EIF4H: variants seen among roughly 807,000 people sequenced by gnomAD.
The protein encoded by EIF4H is Williams-Beuren syndrome chromosome region 1.
Under a neutral mutation model 30.6 loss-of-function variants are expected in EIF4H, and 8 were observed. That is an observed-to-expected ratio of 0.26 (90% CI 0.15 to 0.47). EIF4H has a LOEUF of 0.47. EIF4H is among the 20% of genes least tolerant of loss of function. The probability of loss-of-function intolerance (pLI) is 0.99; values close to 1 mark genes in which losing one functional copy is unlikely to be tolerated. For missense variants in EIF4H, 188 were observed against 339.5 expected (o/e 0.55, Z 3.51); for synonymous variants, 106 against 122.7 (o/e 0.86, Z 0.90).
chr7:74,174,767 C>G (rs560322070), intron 1 of EIF4H, among the ~76,000 whole-genome samples: 3 of 152,248 alleles, frequency 2.0e-5, no homozygotes, highest in Non-Finnish European at 4.4e-5. Context: ...ATCCCCCCTA[C>G]GGTAGGACCA....
chr7:74,193,892 C>G (rs1462146137), intron 5 of EIF4H, among the ~76,000 whole-genome samples: 1 of 152,174 alleles, frequency 6.6e-6, no homozygotes, highest in African/African-American at 2.4e-5. Flanking sequence ...CAGGCGTGAA[C>G]CAGTCTTTTT....
chr7:74,192,340 G>A (rs1323996503), intron 5 of EIF4H, among the ~76,000 whole-genome samples: 1 of 152,140 alleles, frequency 6.6e-6, no homozygotes, highest in Non-Finnish European at 1.5e-5. Context: ...CCTTATACTC[G>A]ACTGTATGCC....
intron 1 of EIF4H, among the ~76,000 whole-genome samples, chr7:74,183,642 C>T (rs1801014449): frequency 1.3e-5 from 2 of 152,150 alleles, no homozygotes; most frequent in Non-Finnish European, 2.9e-5. Context: ...TAGTAGTCCC[C>T]CAAACTTGAA....
intron 1 of EIF4H, among the ~76,000 whole-genome samples, chr7:74,175,548 C>CATG (rs1800819586): frequency 1.3e-5 from 2 of 152,078 alleles, no homozygotes. Flanking sequence ...AGCTAATGTT[C>CATG]ATGATACTGT....
chr7:74,186,169 G>T (rs1045501850), intron 1 of EIF4H, among the ~76,000 whole-genome samples: 3 of 151,546 alleles, frequency 2.0e-5, no homozygotes, highest in Non-Finnish European at 4.4e-5. Context: ...CGTTCCTGGG[G>T]CATTCTTATG....
chr7:74,175,799 A>G lies in EIF4H; in HGVS notation c.59+1357A>G, dbSNP rs10234939. Among the ~76,000 whole-genome samples, 595 of 152,004 alleles carry G rather than the reference A, an allele frequency of 3.9e-3. 6 individuals carry two copies. Among genetic ancestry groups the G allele is most frequent in the African/African-American group, 0.014 (575 of 41,440 alleles). On this transcript the variant is annotated intron_variant, in intron 1 of 6. Transcript: ENST00000265753. ...AAAATTCTTCTTAAACAGCGTGGTC[A>G]ATTTAAGTTTTAGTTGCATTGGGAC...
rs1554710526 is a variant in EIF4H, at chr7:74,195,176, A to G, written c.615A>G (p.Arg205=). The part of the protein sequence containing the change: ...MDFREPTEEE[R]AQRPRLQLKP... Reference sequence around the variant, plus strand: ...CTGCTTTTTCTCCCCCAGAGGAAAGAGCACAGAGACCACGACTCCAGCTTA... The same window carrying G: ...CTGCTTTTTCTCCCCCAGAGGAAAGGGCACAGAGACCACGACTCCAGCTTA... The change falls in exon 7 of 7, where the codon AGA becomes AGG. Residue 205 remains arginine, a synonymous_variant. Transcript: ENST00000265753. 1 of 1,613,872 alleles carries G rather than the reference A, an allele frequency of 6.2e-7. No individual in the cohort carries two copies. The highest frequency in any genetic ancestry group is 8.5e-7 in the Non-Finnish European group (1 of 1,179,806).
At chr7:74,184,216 A>AT (rs1801031886) in intron 1 of EIF4H, among the ~76,000 whole-genome samples, 2 of 152,072 alleles carry the variant, frequency 1.3e-5, no homozygotes, top group Admixed American at 6.5e-5. Context: ...GTCCTAGTGC[A>AT]TTTTTAGCAG....
At chr7:74,176,311 C>T (rs1018902148) in intron 1 of EIF4H, among the ~76,000 whole-genome samples, 4 of 146,320 alleles carry the variant, frequency 2.7e-5, no homozygotes, top group Admixed American at 1.4e-4. Flanking sequence ...GATCTCGGCT[C>T]ACTGCAACCT....
intron 1 of EIF4H, among the ~76,000 whole-genome samples, chr7:74,175,223 A>G (rs1166133490): frequency 6.6e-6 from 1 of 152,244 alleles, no homozygotes; most frequent in Admixed American, 6.5e-5. Context: ...GCTTAAAAGA[A>G]ACATCTTTGA....
intron 1 of EIF4H, among the ~76,000 whole-genome samples, chr7:74,185,144 A>G (rs1052806852): frequency 7.3e-5 from 11 of 151,022 alleles, no homozygotes; most frequent in Admixed American, 4.6e-4. Context: ...AGTGTGGACC[A>G]TCACTCCCGG....
At chr7:74,182,100 G>A (rs1800975487) in intron 1 of EIF4H, among the ~76,000 whole-genome samples, 1 of 152,086 alleles carries the variant, frequency 6.6e-6, no homozygotes. Flanking sequence ...CCAGTACCCA[G>A]TGTTCAGTTT....
At chr7:74,187,566 A>G in intron 1 of EIF4H, 45 bp from the exon 2 acceptor site, 1 of 1,467,362 alleles carries the variant, frequency 6.8e-7, no homozygotes, top group Non-Finnish European at 9.1e-7. Flanking sequence ...TGTTTTGCTT[A>G]TTCCACTCTG....
At chr7:74,190,406 G>T in intron 5 of EIF4H, 100 bp downstream of exon 5, 1 of 1,205,826 alleles carries the variant, frequency 8.3e-7, no homozygotes. Context: ...TACTTATTTA[G>T]TTCCTTTAAC....
chr7:74,195,371 C>T lies in EIF4H; in HGVS notation c.*63C>T. 6.8e-7 allele frequency: 1 copy of T among 1,479,462 alleles called. No individual in the cohort carries two copies. The highest frequency in any genetic ancestry group is 9.0e-7 in the Non-Finnish European group (1 of 1,111,078). The allele number at this position is 1,479,462 out of a possible 1,614,324, so 91.6% of individuals were successfully genotyped here. ...AGCAGGACCACAGCCTGGTGAGTCC[C>T]CGGGCAGCCGTCCTGCAGCCGCCAC... On this transcript the variant is annotated 3_prime_UTR_variant, in exon 7 of 7. Coordinates refer to ENST00000265753, the MANE Select transcript of EIF4H (RefSeq NM_022170.2).
At position 74,194,806 on chromosome 7, in the gene EIF4H, C is replaced by G. The variant is rs202047154; in HGVS notation, c.535C>G (p.Pro179Ala). 2.2e-4 allele frequency: 355 copies of G among 1,605,844 alleles called. No individual in the cohort carries two copies. Among genetic ancestry groups the G allele is most frequent in the Middle Eastern group, 3.3e-4 (2 of 6,046 alleles). The change falls in exon 6 of 7, where the codon CCC becomes GCC. Residue 179 changes from proline (P) to alanine (A), a missense_variant. Pro to Ala is a conservative substitution (Grantham distance 27). This residue lies in a region of EIF4H where 76 missense variants were observed against 85.8 expected (regional missense o/e 0.89). Coordinates refer to ENST00000265753, the MANE Select transcript of EIF4H (RefSeq NM_022170.2). ...CCCAGGCGACCGGCGAACAGGCCCC[C>G]CCATGGGCAGCCGCTTCAGAGATGG... is the stretch of plus-strand genomic sequence containing the variant. ...SRPGDRRTGPPMGSRFRDGPP... is the reference protein window; with the variant it reads ...SRPGDRRTGPAMGSRFRDGPP...
chr7:74,174,714 C>T (rs1280567528), intron 1 of EIF4H, among the ~76,000 whole-genome samples: 1 of 152,342 alleles, frequency 6.6e-6, no homozygotes, highest in Non-Finnish European at 1.5e-5. Flanking sequence ...GCCTTGGCCG[C>T]GGCGGCGCCG....
intron 5 of EIF4H, among the ~76,000 whole-genome samples, chr7:74,194,100 G>T (rs989245588): frequency 2.1e-4 from 32 of 152,216 alleles, no homozygotes; most frequent in African/African-American, 7.7e-4. Flanking sequence ...GGGAAAGAAC[G>T]CTTTGCCCCC....
chr7:74,174,897 C>T (rs916239666), intron 1 of EIF4H, among the ~76,000 whole-genome samples: 3 of 152,222 alleles, frequency 2.0e-5, no homozygotes, highest in Non-Finnish European at 4.4e-5. Flanking sequence ...CCCTTCGCCA[C>T]GAGGCCGGCC....
Sources: allele counts gnomAD v4.1 joint callset (sites outside exome capture counted in the v4.1 genomes callset), GRCh38; gene constraint gnomAD v4.1.1; regional missense constraint gnomAD v4.1.1; transcripts MANE v1.5; gene names NCBI Gene and HGNC (gene_info 2026-07-23, HGNC 2026-07-21).